The following KLF8 variants were observed in gnomAD, a reference collection of about 807,000 sequenced individuals.
KLF8 encodes the protein Krueppel-like factor 8.
Under a neutral mutation model 18.2 loss-of-function variants are expected in KLF8, and 10 were observed. That is an observed-to-expected ratio of 0.55 (90% CI 0.34 to 0.93). The LOEUF (loss-of-function observed/expected upper bound fraction) is 0.93, where lower values mean the gene tolerates loss of function less well. Ranked by LOEUF, KLF8 falls within the 40% of genes least tolerant of loss-of-function variation. The pLI is 0.02. For synonymous variants in KLF8, 109 were observed against 97.3 expected (o/e 1.12, Z -0.71); for missense variants, 264 against 277.9 (o/e 0.95, Z 0.36).
At chrX:55,935,029 TCATACTAATACTAAC>T in the KLF8 span, among the ~76,000 whole-genome samples, 1 of 111,985 alleles carries the variant, frequency 8.9e-6, no homozygotes, top group Non-Finnish European at 1.9e-5. Flanking sequence ...ATGATTAGTT[TCATACTAATACTAAC>T]CATACTAATA....
chrX:56,217,888 T>G, the KLF8 span, among the ~76,000 whole-genome samples: 1 of 110,944 alleles, frequency 9.0e-6, no homozygotes. Flanking sequence ...GAGTGGTGGG[T>G]AGAGGTCCAA....
At chrX:56,112,919 G>A in the KLF8 span, among the ~76,000 whole-genome samples, 1 of 111,049 alleles carries the variant, frequency 9.0e-6, no homozygotes, top group African/African-American at 3.3e-5. Context: ...GCCTGTTTAA[G>A]CCAGTTGATG....
chrX:56,207,094 C>G, the KLF8 span, among the ~76,000 whole-genome samples: 3 of 112,391 alleles, frequency 2.7e-5, no homozygotes, highest in Non-Finnish European at 3.8e-5. Context: ...CATCAAGTCC[C>G]GAGACTGCAC....
At chrX:56,188,669 GAC>G in the KLF8 span, among the ~76,000 whole-genome samples, 1 of 111,719 alleles carries the variant, frequency 9.0e-6, no homozygotes, top group African/African-American at 3.3e-5. Context: ...TACCAAAACA[GAC>G]ATATAGATCA....
At chrX:55,919,011 A>T in the KLF8 span, among the ~76,000 whole-genome samples, 1 of 111,707 alleles carries the variant, frequency 9.0e-6, no homozygotes, top group East Asian at 2.8e-4. Flanking sequence ...CTATCACAAC[A>T]TCTCCAAAAG....
At chrX:55,971,523 C>T in the KLF8 span, among the ~76,000 whole-genome samples, 2 of 110,162 alleles carry the variant, frequency 1.8e-5, no homozygotes, top group African/African-American at 3.3e-5. Flanking sequence ...TGAGTAATAC[C>T]CCACAAAAAC....
At chrX:56,269,187 C>T in intron 3 of KLF8, 191 bp from the exon 4 acceptor site, 1 of 1,020,892 alleles carries the variant, frequency 9.8e-7, no homozygotes, top group Non-Finnish European at 1.2e-6. Flanking sequence ...CTGTTCCCTG[C>T]TATGCAAAAA....
intron 3 of KLF8, chrX:56,266,899 T>C (rs1362856830): frequency 1.6e-5 from 12 of 752,399 alleles, no homozygotes; most frequent in Middle Eastern, 7.6e-4. Flanking sequence ...ACTGGTCTTC[T>C]GAATACAAAT....
chrX:56,130,509 C>T, the KLF8 span, among the ~76,000 whole-genome samples: 2 of 109,301 alleles, frequency 1.8e-5, no homozygotes, highest in Non-Finnish European at 3.8e-5. Context: ...CTGCAGCCTT[C>T]AGCCCGAGAT....
chrX:56,061,943 G>A, the KLF8 span, among the ~76,000 whole-genome samples: 1 of 100,385 alleles, frequency 1.0e-5, no homozygotes, highest in Admixed American at 1.0e-4. Flanking sequence ...GATGTTTGTT[G>A]GTTTAAAGTC....
chrX:56,135,869 G>C, the KLF8 span, among the ~76,000 whole-genome samples: 1 of 111,479 alleles, frequency 9.0e-6, no homozygotes, highest in Admixed American at 9.6e-5. Flanking sequence ...GCAGTGTTAA[G>C]AGGAATGTTT....
chrX:56,291,023 G>A lies in KLF8; in HGVS notation c.*6529G>A, dbSNP rs1473708446. Reference sequence around the variant, plus strand: ...TTTCATTGTATCACAGAATTAAAAGGGGAAGAGAGTTCCTAGTGGTGTCCA... The same window carrying A: ...TTTCATTGTATCACAGAATTAAAAGAGGAAGAGAGTTCCTAGTGGTGTCCA... On this transcript the variant is annotated 3_prime_UTR_variant, in exon 6 of 6. Coordinates refer to ENST00000468660, the MANE Select transcript of KLF8 (RefSeq NM_007250.5). Among the ~76,000 whole-genome samples, 1 of 111,179 alleles carries A rather than the reference G, an allele frequency of 9.0e-6. No homozygotes were observed. Among genetic ancestry groups the A allele is most frequent in the African/African-American group, 3.3e-5 (1 of 30,622 alleles).
the KLF8 span, among the ~76,000 whole-genome samples, chrX:56,173,748 A>T: frequency 8.9e-6 from 1 of 111,751 alleles, no homozygotes; most frequent in Admixed American, 9.6e-5. Context: ...ATGTTCTTCC[A>T]TTTGTTTGTA....
At chrX:56,179,881 A>T in the KLF8 span, among the ~76,000 whole-genome samples, 1 of 111,591 alleles carries the variant, frequency 9.0e-6, no homozygotes, top group East Asian at 2.8e-4. Context: ...GTGCTTCTGG[A>T]TTCAGTTTGC....
the KLF8 span, among the ~76,000 whole-genome samples, chrX:56,047,450 G>T: frequency 1.0e-5 from 1 of 98,607 alleles, no homozygotes; most frequent in African/African-American, 3.8e-5. Flanking sequence ...GGTGTGTGAT[G>T]TTCCCCTTCC....
the KLF8 span, among the ~76,000 whole-genome samples, chrX:56,005,220 C>T: frequency 1.8e-5 from 2 of 110,322 alleles, no homozygotes; most frequent in African/African-American, 6.6e-5. Context: ...GTCAGCCCCC[C>T]AGCTTTGTTC....
At chrX:56,088,147 A>G in the KLF8 span, among the ~76,000 whole-genome samples, 8 of 111,573 alleles carry the variant, frequency 7.2e-5, no homozygotes, top group Admixed American at 6.7e-4. Context: ...TCCAAATAGA[A>G]GAAACCAATA....
the KLF8 span, among the ~76,000 whole-genome samples, chrX:56,018,281 T>C: frequency 9.0e-6 from 1 of 111,181 alleles, no homozygotes; most frequent in East Asian, 2.8e-4. Context: ...AGTGAGAACA[T>C]GCATTTGTCT....
chrX:56,269,858 A>G (rs770666505), intron 4 of KLF8, among the ~76,000 whole-genome samples: 33 of 112,002 alleles, frequency 2.9e-4, no homozygotes, highest in Non-Finnish European at 5.1e-4. Flanking sequence ...CAACTGTTGT[A>G]TGAAAAACAA....
Sources: allele counts gnomAD v4.1 joint callset (sites outside exome capture counted in the v4.1 genomes callset), GRCh38; gene constraint gnomAD v4.1.1; transcripts MANE v1.5; gene names NCBI Gene and HGNC (gene_info 2026-07-23, HGNC 2026-07-21).